The following TMEM9 variants were observed in gnomAD, a reference collection of about 807,000 sequenced individuals.
The protein encoded by TMEM9 is proton-transporting V-type ATPase complex assembly regulator TMEM9.
TMEM9 carries 13 observed loss-of-function variants against 22.8 expected under a neutral mutation model. That is an observed-to-expected ratio of 0.57 (90% CI 0.37 to 0.91). The LOEUF is 0.91. Ranked by LOEUF, TMEM9 falls within the 40% of genes least tolerant of loss-of-function variation. The pLI, the probability that TMEM9 is intolerant of heterozygous loss-of-function variation, is 0.01. For synonymous variants in TMEM9, 88 were observed against 93.0 expected (o/e 0.95, Z 0.31); for missense variants, 182 against 238.1 (o/e 0.76, Z 1.55).
At chr1:201,142,560 T>C (rs1215650634) in intron 4 of TMEM9, among the ~76,000 whole-genome samples, 1 of 152,260 alleles carries the variant, frequency 6.6e-6, no homozygotes, top group Non-Finnish European at 1.5e-5. Flanking sequence ...TTAGTTGTTT[T>C]TCTTTTCCTT....
chr1:201,151,110 C>T lies in TMEM9; in HGVS notation c.158+651G>A, dbSNP rs79322391. Among the ~76,000 whole-genome samples the T allele has an allele frequency of 3.8e-3, 573 of 152,298 alleles. 6 individuals are homozygous for T. Among genetic ancestry groups the T allele is most frequent in the African/African-American group, 0.013 (553 of 41,556 alleles). ...CACATGTCCCACCTCCCATAACATG[C>T]CAGCTTTCAATCAATCATCGTGTGT... On this transcript the variant is annotated intron_variant, in intron 2 of 4. Coordinates refer to ENST00000367330, the MANE Select transcript of TMEM9 (RefSeq NM_001288565.2).
chr1:201,157,022 G>A (rs1665815947), upstream of TMEM9, among the ~76,000 whole-genome samples: 1 of 152,196 alleles, frequency 6.6e-6, no homozygotes, highest in East Asian at 1.9e-4. Flanking sequence ...TGAAGATCAA[G>A]GAGGTAGACA....
chr1:201,142,861 G>A (rs1664650267), intron 4 of TMEM9, among the ~76,000 whole-genome samples: 1 of 152,242 alleles, frequency 6.6e-6, no homozygotes, highest in African/African-American at 2.4e-5. Context: ...GGCACACGGG[G>A]CTGTGCAGTC....
At chr1:201,164,414 A>T (rs1666021907) in intron 1 of TMEM9, among the ~76,000 whole-genome samples, 1 of 152,174 alleles carries the variant, frequency 6.6e-6, no homozygotes, top group Admixed American at 6.5e-5. Flanking sequence ...CGACTGTCTC[A>T]AAAGTTAATT....
chr1:201,147,594 G>C (rs6664483), intron 2 of TMEM9, among the ~76,000 whole-genome samples: 1 of 152,168 alleles, frequency 6.6e-6, no homozygotes, highest in African/African-American at 2.4e-5. Context: ...CTCCTGCCTC[G>C]AGTTTGGCCT....
chr1:201,142,435 G>A (rs966651106), intron 4 of TMEM9, among the ~76,000 whole-genome samples: 1 of 152,144 alleles, frequency 6.6e-6, no homozygotes, highest in East Asian at 1.9e-4. Flanking sequence ...GTTAGACCAC[G>A]CTGTCTACAG....
chr1:201,149,404 C>A (rs1421327190), intron 2 of TMEM9, among the ~76,000 whole-genome samples: 1 of 152,134 alleles, frequency 6.6e-6, no homozygotes, highest in Non-Finnish European at 1.5e-5. Flanking sequence ...GTTTCCAAAA[C>A]GGATTTTGTT....
At chr1:201,162,011 A>G (rs1260588125) in intron 1 of TMEM9, among the ~76,000 whole-genome samples, 3 of 152,204 alleles carry the variant, frequency 2.0e-5, no homozygotes, top group East Asian at 3.8e-4. Context: ...AGTAGTATAT[A>G]TTTATAGGGT....
chr1:201,166,052 G>C (rs902356654), intron 1 of TMEM9, among the ~76,000 whole-genome samples: 4 of 152,044 alleles, frequency 2.6e-5, no homozygotes, highest in African/African-American at 7.3e-5. Flanking sequence ...CTGCAACCTT[G>C]ACATTATCAG....
At chr1:201,164,956 G>T (rs1666035605) in intron 1 of TMEM9, among the ~76,000 whole-genome samples, 1 of 151,922 alleles carries the variant, frequency 6.6e-6, no homozygotes, top group African/African-American at 2.4e-5. Context: ...GTCTCCCTAG[G>T]GAGGGTGAGA....
At chr1:201,156,752 G>T (rs536818589), upstream of TMEM9, among the ~76,000 whole-genome samples, 17 of 152,338 alleles carry the variant, frequency 1.1e-4, 1 homozygote, top group Admixed American at 1.0e-3. Flanking sequence ...TGCCAGTGAA[G>T]TGAGTCTGAA....
At position 201,135,518 on chromosome 1, in the gene TMEM9, A is replaced by G; in HGVS notation, c.*145T>C. ...CAAAATAGCCAAGTACAACATTTCT[A>G]AAGTTAGGGAGAAGGAGGAAAAATG... On this transcript the variant is annotated 3_prime_UTR_variant, in exon 5 of 5. Coordinates refer to ENST00000367330, the MANE Select transcript of TMEM9 (RefSeq NM_001288565.2). 2.5e-6 allele frequency: 2 copies of G among 790,710 alleles called. No homozygotes were observed. Among genetic ancestry groups the G allele is most frequent in the South Asian group, 2.4e-5 (1 of 41,490 alleles). The allele number at this position is 790,710 out of a possible 1,614,324, so 49.0% of individuals were successfully genotyped here. A position where few individuals can be genotyped will look rare whatever the true frequency, so the allele number is the denominator to read the frequency against.
chr1:201,135,430 C>G lies in TMEM9; in HGVS notation c.*233G>C. ...TTCCCTTCTGGCCTGCCTTCCCCCT[C>G]CCTTCAACCCCAAAGACCCAAGAAG... On this transcript the variant is annotated 3_prime_UTR_variant, in exon 5 of 5. Coordinates refer to ENST00000367330, the MANE Select transcript of TMEM9 (RefSeq NM_001288565.2). 4.9e-6 allele frequency: 2 copies of G among 410,704 alleles called. No homozygotes were observed. The highest frequency in any genetic ancestry group is 8.5e-6 in the Non-Finnish European group (2 of 234,140). The allele number at this position is 410,704 out of a possible 1,614,324, so 25.4% of individuals were successfully genotyped here. A position where few individuals can be genotyped will look rare whatever the true frequency, so the allele number is the denominator to read the frequency against.
intron 4 of TMEM9, among the ~76,000 whole-genome samples, chr1:201,141,347 A>T (rs1346550475): frequency 6.6e-6 from 1 of 152,144 alleles, no homozygotes; most frequent in East Asian, 1.9e-4. Context: ...TTCTGAATAC[A>T]CTGAGAAAAG....
intron 4 of TMEM9, among the ~76,000 whole-genome samples, chr1:201,136,728 A>C (rs1664025228): frequency 6.6e-6 from 1 of 152,104 alleles, no homozygotes; most frequent in South Asian, 2.1e-4. Flanking sequence ...CAGGACCTGA[A>C]CCTGATCTTT....
intron 4 of TMEM9, among the ~76,000 whole-genome samples, chr1:201,139,419 G>A (rs1332014676): frequency 6.6e-6 from 1 of 152,180 alleles, no homozygotes; most frequent in Non-Finnish European, 1.5e-5. Flanking sequence ...CTGCTGCGAG[G>A]CTCTCCCTGA....
intron 2 of TMEM9, among the ~76,000 whole-genome samples, chr1:201,151,016 T>C (rs575110201): frequency 6.6e-6 from 1 of 152,316 alleles, no homozygotes; most frequent in East Asian, 1.9e-4. Context: ...CTGAAGCTTT[T>C]ATCCTTGGCC....
intron 2 of TMEM9, among the ~76,000 whole-genome samples, chr1:201,147,096 A>C (rs770391278): frequency 6.6e-6 from 1 of 152,090 alleles, no homozygotes; most frequent in African/African-American, 2.4e-5. Flanking sequence ...CTGGCTCCAA[A>C]ACCATCAACG....
Position 201,146,788 on chromosome 1 carries a change from G to A in TMEM9, c.219C>T (p.Cys73=). 1 of 1,614,228 alleles carries A rather than the reference G, an allele frequency of 6.2e-7. No individual in the cohort carries two copies. The highest frequency in any genetic ancestry group is 2.2e-5 in the East Asian group (1 of 44,882). The change falls in exon 3 of 5, where the codon TGC becomes TGT. Residue 73 remains cysteine (C), a synonymous_variant. Transcript: ENST00000367330. ...PVPGHDVEAY[C]LLCECRYEER... is the part of the protein sequence containing the mutation. ...CCTCGTACCTGCACTCGCACAGCAG[G>A]CAGTAGGCCTCCACGTCATGGCCAG...
Sources: allele counts gnomAD v4.1 joint callset (sites outside exome capture counted in the v4.1 genomes callset), GRCh38; gene constraint gnomAD v4.1.1; transcripts MANE v1.5; gene names NCBI Gene and HGNC (gene_info 2026-07-23, HGNC 2026-07-21).